The following QKI variants were observed in gnomAD, a reference collection of about 807,000 sequenced individuals.
The protein encoded by QKI is QKI, KH domain containing RNA binding.
QKI carries 10 observed loss-of-function variants against 39.0 expected under a neutral mutation model. That is an observed-to-expected ratio of 0.26 (90% CI 0.16 to 0.43). The LOEUF (loss-of-function observed/expected upper bound fraction) is 0.43. Among genes scored for constraint, QKI ranks in the 20% least tolerant of loss-of-function variants. The probability of loss-of-function intolerance (pLI) is 1.00; values close to 1 mark genes in which losing one functional copy is unlikely to be tolerated. For missense variants in QKI, 218 were observed against 428.0 expected, an observed-to-expected ratio of 0.51 and a Z score of 4.33; for synonymous variants, 204 against 155.4, an observed-to-expected ratio of 1.31 and a Z score of -2.33.
At chr6:163,529,000 T>A (rs1415333779) in intron 3 of QKI, among the ~76,000 whole-genome samples, 1 of 152,198 alleles carries the variant, frequency 6.6e-6, no homozygotes, top group East Asian at 1.9e-4. Context: ...CCATCTTGTC[T>A]CCTGTTCTTC....
intron 3 of QKI, among the ~76,000 whole-genome samples, chr6:163,493,856 G>GTC (rs1778224632): frequency 6.6e-6 from 1 of 151,968 alleles, no homozygotes; most frequent in Non-Finnish European, 1.5e-5. Flanking sequence ...CAAAAATATA[G>GTC]ACAAAAATAC....
At chr6:163,437,829 TC>T (rs1489169209) in intron 1 of QKI, among the ~76,000 whole-genome samples, 2 of 152,160 alleles carry the variant, frequency 1.3e-5, no homozygotes, top group African/African-American at 4.8e-5. Flanking sequence ...TCTGTTTCCC[TC>T]AAATTATTCA....
chr6:163,547,006 C>T (rs1781922064), intron 4 of QKI, among the ~76,000 whole-genome samples: 1 of 151,936 alleles, frequency 6.6e-6, no homozygotes, highest in Admixed American at 6.6e-5. Flanking sequence ...TTTAGTTATG[C>T]CTTCAAACTG....
intron 4 of QKI, among the ~76,000 whole-genome samples, chr6:163,561,527 G>C (rs996495277): frequency 6.6e-6 from 1 of 152,114 alleles, no homozygotes; most frequent in Non-Finnish European, 1.5e-5. Flanking sequence ...AGGATGGCTC[G>C]AACCTAGGAA....
intron 3 of QKI, among the ~76,000 whole-genome samples, chr6:163,515,880 GCTTTT>G (rs1412049914): frequency 6.6e-6 from 1 of 152,100 alleles, no homozygotes; most frequent in Non-Finnish European, 1.5e-5. Context: ...TGTAATCAAA[GCTTTT>G]CACTTTTTAT....
intron 2 of QKI, among the ~76,000 whole-genome samples, chr6:163,476,262 A>T (rs1175709341): frequency 6.6e-6 from 1 of 151,904 alleles, no homozygotes; most frequent in Non-Finnish European, 1.5e-5. Flanking sequence ...AAATAATTTA[A>T]CACTATGTAC....
At chr6:163,457,666 G>A (rs901459633) in intron 2 of QKI, 2 of 328,366 alleles carry the variant, frequency 6.1e-6, no homozygotes, top group African/African-American at 4.4e-5. Context: ...AGGGGACAGG[G>A]TCAGCCAGGC....
At chr6:163,451,752 G>A (rs1168740022) in intron 1 of QKI, among the ~76,000 whole-genome samples, 1 of 152,164 alleles carries the variant, frequency 6.6e-6, no homozygotes, top group Non-Finnish European at 1.5e-5. Flanking sequence ...GGGCATTTGA[G>A]TGTTGTAATG....
At chr6:163,539,164 C>T (rs560907691) in intron 4 of QKI, among the ~76,000 whole-genome samples, 2 of 152,196 alleles carry the variant, frequency 1.3e-5, no homozygotes, top group Non-Finnish European at 2.9e-5. Context: ...GAGGATCCAG[C>T]AAGGGAGAGC....
At chr6:163,570,173 A>G (rs756386735) in intron 7 of QKI, 94 of 985,658 alleles carry the variant, frequency 9.5e-5, no homozygotes, top group Non-Finnish European at 1.1e-4. Context: ...TTTATGTTGA[A>G]CCAAATGGTT....
rs1422587629 is a variant in QKI at position 163,569,906 on chromosome 6, G to A, written c.1010-788G>A. ...TTTGAGTGTAGAATTTTAAATGGCA[G>A]GATTTTACAGTGTTTACATGCAAGT... On this transcript the variant is annotated intron_variant, in intron 7 of 7. Transcript: ENST00000361752. 4 of 986,898 alleles carry A rather than the reference G, an allele frequency of 4.1e-6. No homozygotes were observed. In the Admixed American group the frequency reaches 2.5e-4, roughly 61 times the overall value. 61.1% of individuals were successfully genotyped at this position (986,898 alleles called of 1,614,324 possible). A position where few individuals can be genotyped will look rare whatever the true frequency, so the allele number is the denominator to read the frequency against.
intron 3 of QKI, among the ~76,000 whole-genome samples, chr6:163,506,284 T>G (rs1779089205): frequency 6.6e-6 from 1 of 152,206 alleles, no homozygotes. Flanking sequence ...CCAATTGAAT[T>G]GACATTTCAG....
At chr6:163,537,499 A>G (rs941384982) in intron 4 of QKI, among the ~76,000 whole-genome samples, 2 of 152,196 alleles carry the variant, frequency 1.3e-5, no homozygotes. Flanking sequence ...TCAAAGGCAG[A>G]TATTTTATCT....
At chr6:163,538,721 T>C (rs1019280463) in intron 4 of QKI, among the ~76,000 whole-genome samples, 4 of 152,228 alleles carry the variant, frequency 2.6e-5, no homozygotes, top group African/African-American at 9.6e-5. Context: ...TAAGGAAGTC[T>C]TTGCAGTTCA....
At chr6:163,459,357 G>C (rs1342776909) in intron 2 of QKI, among the ~76,000 whole-genome samples, 1 of 152,200 alleles carries the variant, frequency 6.6e-6, no homozygotes, top group Non-Finnish European at 1.5e-5. Context: ...AAACTTGGGA[G>C]AGGGGGTACT....
intron 3 of QKI, among the ~76,000 whole-genome samples, chr6:163,511,517 A>C (rs755549759): frequency 2.0e-5 from 3 of 152,084 alleles, no homozygotes; most frequent in Non-Finnish European, 2.9e-5. Flanking sequence ...AATAGGAGAC[A>C]TCACTGTCGA....
chr6:163,531,633 C>T (rs1047881511), intron 3 of QKI, among the ~76,000 whole-genome samples: 5 of 152,110 alleles, frequency 3.3e-5, no homozygotes, highest in Non-Finnish European at 7.4e-5. Flanking sequence ...TAAATGGTTT[C>T]CTTTCCCATT....
At chr6:163,475,802 G>C (rs1792545556) in intron 2 of QKI, among the ~76,000 whole-genome samples, 1 of 152,146 alleles carries the variant, frequency 6.6e-6, no homozygotes, top group African/African-American at 2.4e-5. Flanking sequence ...AAGGTATCTT[G>C]GTGACCTTAG....
chr6:163,551,602 A>C (rs187545370), intron 4 of QKI, among the ~76,000 whole-genome samples: 1 of 152,370 alleles, frequency 6.6e-6, no homozygotes, highest in East Asian at 1.9e-4. Context: ...TATAAGTGAA[A>C]GTAGCAGTCA....
Sources: gnomAD v4.1 joint callset for allele counts (sites outside exome capture counted in the v4.1 genomes callset) on GRCh38, gnomAD v4.1.1 for gene constraint, MANE v1.5 for transcripts, NCBI Gene and HGNC (gene_info 2026-07-23, HGNC 2026-07-21) for gene names.